The following NEDD4L variants were observed in gnomAD, a reference collection of about 807,000 sequenced individuals.
The protein encoded by NEDD4L is NEDD4 like E3 ubiquitin protein ligase, also known as E3 ubiquitin-protein ligase NEDD4-like.
A neutral mutation model predicts 148.9 loss-of-function variants in NEDD4L; 54 were observed. The observed-to-expected ratio is 0.36, with a 90% confidence interval of 0.29 to 0.45. NEDD4L has a LOEUF of 0.45. Among genes scored for constraint, NEDD4L ranks in the 20% least tolerant of loss-of-function variants. The probability of loss-of-function intolerance (pLI) is 1.00; values close to 1 mark genes in which losing one functional copy is unlikely to be tolerated. For missense variants in NEDD4L, 856 were observed against 1,233.8 expected, an observed-to-expected ratio of 0.69 and a Z score of 4.59; for synonymous variants, 433 against 440.7, an observed-to-expected ratio of 0.98 and a Z score of 0.22.
At chr18:58,110,794 C>T (rs2085371513) in intron 1 of NEDD4L, among the ~76,000 whole-genome samples, 1 of 152,198 alleles carries the variant, frequency 6.6e-6, no homozygotes, top group Non-Finnish European at 1.5e-5. Context: ...CAGTTTTGAA[C>T]TTACCCTTTT....
At chr18:58,385,104 T>C (rs569468606) in intron 25 of NEDD4L, among the ~76,000 whole-genome samples, 2 of 152,360 alleles carry the variant, frequency 1.3e-5, no homozygotes, top group African/African-American at 4.8e-5. Context: ...GAGTACACTT[T>C]ACAAATATGT....
At chr18:58,312,625 G>C (rs145572928) in intron 5 of NEDD4L, among the ~76,000 whole-genome samples, 1 of 152,284 alleles carries the variant, frequency 6.6e-6, no homozygotes, top group East Asian at 1.9e-4. Flanking sequence ...GGCACCAGGA[G>C]GTTCTCTGAT....
intron 5 of NEDD4L, among the ~76,000 whole-genome samples, chr18:58,294,681 CTT>C (rs11399897): frequency 6.8e-6 from 1 of 147,176 alleles, no homozygotes. Context: ...CTGTTTTTGT[CTT>C]TTTTTTTTAA....
intron 23 of NEDD4L, 73 bp from the exon 24 acceptor site, chr18:58,373,101 T>C: frequency 1.3e-6 from 1 of 784,296 alleles, no homozygotes. Context: ...CATTAGAATG[T>C]AATTAAAGAA....
At chr18:58,144,374 C>T (rs2033886020) in intron 1 of NEDD4L, among the ~76,000 whole-genome samples, 1 of 151,956 alleles carries the variant, frequency 6.6e-6, no homozygotes, top group South Asian at 2.1e-4. Context: ...GGTTGGGTCA[C>T]ACACTTTTAA....
At chr18:58,271,070 G>T (rs912809992) in intron 5 of NEDD4L, among the ~76,000 whole-genome samples, 2 of 151,560 alleles carry the variant, frequency 1.3e-5, no homozygotes, top group Non-Finnish European at 2.9e-5. Flanking sequence ...ACATATTAAT[G>T]CTTAATAAAT....
chr18:58,315,933 C>G, intron 5 of NEDD4L, 49 bp from the exon 6 acceptor site: 1 of 1,448,508 alleles, frequency 6.9e-7, no homozygotes, highest in Admixed American at 1.7e-5. Context: ...GAAATGCTGA[C>G]GCTCAGTGAA....
intron 1 of NEDD4L, among the ~76,000 whole-genome samples, chr18:58,083,778 C>T (rs1647463724): frequency 6.6e-6 from 1 of 152,196 alleles, no homozygotes; most frequent in Admixed American, 6.5e-5. Context: ...TATATCCATA[C>T]AATGAATGCT....
At chr18:58,379,054 G>T (rs982314108) in intron 24 of NEDD4L, among the ~76,000 whole-genome samples, 1 of 152,202 alleles carries the variant, frequency 6.6e-6, no homozygotes, top group African/African-American at 2.4e-5. Context: ...TCCTTGTGTG[G>T]GGTCCTCCAG....
intron 1 of NEDD4L, among the ~76,000 whole-genome samples, chr18:58,138,562 A>G (rs984310876): frequency 2.0e-5 from 3 of 152,076 alleles, no homozygotes; most frequent in African/African-American, 7.2e-5. Context: ...ACAGTGTCCT[A>G]GTCAGTTCCA....
chr18:58,066,409 T>TTTTTTTTTTTTTTTTTG (rs2082599243), intron 1 of NEDD4L, among the ~76,000 whole-genome samples: 1 of 137,528 alleles, frequency 7.3e-6, no homozygotes, highest in African/African-American at 2.9e-5. Context: ...TTTTTTTTTT[T>TTTTTTTTTTTTTTTTTG]TAACGGAGTC....
At position 58,366,512 on chromosome 18, in the gene NEDD4L, T is replaced by C. The variant is rs1363753396; in HGVS notation, c.2063+284T>C. 3.4e-6 allele frequency: 1 copy of C among 295,302 alleles called. No individual in the cohort carries two copies. Among genetic ancestry groups the C allele is most frequent in the Admixed American group, 4.8e-5 (1 of 20,856 alleles). 18.3% of individuals were successfully genotyped at this position (295,302 alleles called of 1,614,324 possible). A position where few individuals can be genotyped will look rare whatever the true frequency, so the allele number is the denominator to read the frequency against. ...ATTATGATAAGGAACAGGAGGCGAT[T>C]TTCATTTGCAGTGTTCAAGAGGAGG... On this transcript the variant is annotated intron_variant, in intron 21 of 30. Coordinates refer to ENST00000400345, the MANE Select transcript of NEDD4L (RefSeq NM_001144967.3). This position sits in a 1 kb window ranked among gnomAD's most constrained non-coding sequence, Gnocchi z 4.2.
chr18:58,120,940 A>G (rs185409298), intron 1 of NEDD4L, among the ~76,000 whole-genome samples: 1 of 151,620 alleles, frequency 6.6e-6, no homozygotes, highest in African/African-American at 2.4e-5. Context: ...TACATTGCAG[A>G]TAATTTGAAG....
intron 1 of NEDD4L, among the ~76,000 whole-genome samples, chr18:58,117,505 A>T (rs931901741): frequency 9.2e-5 from 14 of 152,268 alleles, no homozygotes; most frequent in Non-Finnish European, 1.9e-4. Flanking sequence ...AGCTAATGAG[A>T]CCAGAGGTCT....
chr18:58,391,283 G>A (rs1164965613), intron 29 of NEDD4L, among the ~76,000 whole-genome samples: 1 of 152,192 alleles, frequency 6.6e-6, no homozygotes, highest in African/African-American at 2.4e-5. Flanking sequence ...CCATTCTGGA[G>A]ACTAAGCAGA....
intron 2 of NEDD4L, among the ~76,000 whole-genome samples, chr18:58,213,789 T>G (rs1027848621): frequency 3.9e-5 from 6 of 152,242 alleles, no homozygotes; most frequent in African/African-American, 1.2e-4. Context: ...GTTCTTGTTT[T>G]GCTGTGCTGA....
intron 5 of NEDD4L, among the ~76,000 whole-genome samples, chr18:58,272,288 C>A (rs1043444431): frequency 7.2e-5 from 11 of 151,910 alleles, no homozygotes; most frequent in Non-Finnish European, 2.9e-5. Flanking sequence ...ATTTGTAAAC[C>A]TGGGTGATTA....
rs184676741 is a variant in NEDD4L at position 58,166,786 on chromosome 18, C to T, written c.122+925C>T. Among the ~76,000 whole-genome samples the T allele has an allele frequency of 1.4e-3, 209 of 152,244 alleles. 1 individual carries two copies. The highest frequency in any genetic ancestry group is 4.8e-3 in the African/African-American group (198 of 41,544). ...GGTGACTGGTGAGGAGAGTTCCAGC[C>T]ACTGGATTCTCCCTCAGTCCCCTGT... On this transcript the variant is annotated intron_variant, in intron 2 of 30. Coordinates refer to ENST00000400345, the MANE Select transcript of NEDD4L (RefSeq NM_001144967.3).
In NEDD4L at chr18:58,098,115, G is replaced by T. The variant is rs535626960; in HGVS notation, c.48+53407G>T. Among the ~76,000 whole-genome samples the T allele has an allele frequency of 5.3e-5, 8 of 152,316 alleles. No individual in the cohort carries two copies. In the South Asian group the frequency reaches 1.7e-3, roughly 32 times the overall value. ...TTTTATCCAGATGACTGTTAGAATA[G>T]TGGTGAAGAATCTGACAAGTGGCAG... On this transcript the variant is annotated intron_variant, in intron 1 of 30. Transcript: ENST00000400345.
Sources: allele counts gnomAD v4.1 joint callset (sites outside exome capture counted in the v4.1 genomes callset), GRCh38; gene constraint gnomAD v4.1.1; non-coding constraint Gnocchi (gnomAD v3.1); transcripts MANE v1.5; gene names NCBI Gene and HGNC (gene_info 2026-07-23, HGNC 2026-07-21).